SNX18: variants seen among roughly 807,000 people sequenced by gnomAD.
SNX18 encodes the protein sorting nexin-18.
In SNX18, 35 loss-of-function variants were observed where a neutral mutation model predicts 48.7. That is an observed-to-expected ratio of 0.72 (90% CI 0.55 to 0.95). SNX18 has a LOEUF of 0.95. Ranked by LOEUF, SNX18 falls within the 40% of genes least tolerant of loss-of-function variation. The pLI is 0.00. For synonymous variants in SNX18, 492 were observed against 384.7 expected (o/e 1.28, Z -3.26); for missense variants, 824 against 871.0 (o/e 0.95, Z 0.68).
At chr5:54,548,483 G>A (rs892903823), downstream of SNX18, among the ~76,000 whole-genome samples, 4 of 152,216 alleles carry the variant, frequency 2.6e-5, no homozygotes, top group Admixed American at 6.5e-5. Context: ...CAGTGAGAAA[G>A]GCAGCAATTT....
At chr5:54,550,267 A>G (rs989044273), downstream of SNX18, among the ~76,000 whole-genome samples, 2 of 152,164 alleles carry the variant, frequency 1.3e-5, no homozygotes, top group Non-Finnish European at 2.9e-5. Context: ...GGAAAGTGGA[A>G]CCTGTAATTC....
the SNX18 span, among the ~76,000 whole-genome samples, chr5:54,609,725 C>A: frequency 0.16 from 24,356 of 152,130 alleles, 2,382 homozygotes; most frequent in South Asian, 0.22. Context: ...CAAACGTGAG[C>A]CAATATGTCA....
Position 54,544,288 on chromosome 5 carries a change from ATCAG to A in SNX18, c.*861_*864del, listed in dbSNP as rs1413486135. 3 of 152,150 alleles carry A rather than the reference ATCAG, an allele frequency of 2.0e-5. No homozygotes were observed. The highest frequency in any genetic ancestry group is 2.9e-5 in the Non-Finnish European group (2 of 68,038). The allele number at this position is 152,150 out of a possible 1,614,324, so 9.4% of individuals were successfully genotyped here. On this transcript the variant is annotated 3_prime_UTR_variant, in exon 2 of 2. Transcript: ENST00000381410. Reference sequence around the variant, plus strand: ...TACAACATGAGGAGGAGGAGTCTAAATCAGTCAGGGGATAAAAGTATCGAATCAT... The same window carrying A: ...TACAACATGAGGAGGAGGAGTCTAAATCAGGGGATAAAAGTATCGAATCAT...
chr5:54,585,157 T>C, the SNX18 span, among the ~76,000 whole-genome samples: 4 of 152,020 alleles, frequency 2.6e-5, no homozygotes, highest in African/African-American at 9.7e-5. Flanking sequence ...CCAGGCCTAG[T>C]GGCATGCACC....
At chr5:54,527,962 G>C (rs1413831491) in intron 1 of SNX18, among the ~76,000 whole-genome samples, 1 of 152,106 alleles carries the variant, frequency 6.6e-6, no homozygotes, top group Non-Finnish European at 1.5e-5. Flanking sequence ...TCATTAACAT[G>C]TGAGTGATTT....
At chr5:54,607,431 C>T in the SNX18 span, among the ~76,000 whole-genome samples, 6 of 152,292 alleles carry the variant, frequency 3.9e-5, no homozygotes, top group Admixed American at 6.5e-5. Context: ...CACACTCTTT[C>T]GATGTCTATC....
At chr5:54,554,931 A>G in the SNX18 span, among the ~76,000 whole-genome samples, 1 of 152,150 alleles carries the variant, frequency 6.6e-6, no homozygotes, top group Non-Finnish European at 1.5e-5. Flanking sequence ...TTTATGATTC[A>G]TTTATCGTCA....
chr5:54,543,394 A>T lies in SNX18; in HGVS notation c.1837A>T (p.Lys613Ter). 6.2e-7 allele frequency: 1 copy of T among 1,614,146 alleles called. No individual in the cohort carries two copies. The highest frequency in any genetic ancestry group is 8.5e-7 in the Non-Finnish European group (1 of 1,180,022). Residue 613 changes from lysine to a stop codon, truncating the protein, a stop_gained, in exon 2 of 2, where the codon AAG becomes TAG. Transcript: ENST00000381410. LOFTEE classifies it high-confidence loss of function. ...AATATTTTTCCAAAAAGTTACCCAG[A>T]AGTTGGAAGAAGCTCTTCACAAATA... Reference protein sequence around the residue: ...QIIFFQKVTQKLEEALHKYDS... With the variant: ...QIIFFQKVTQ
At chr5:54,555,275 C>T in the SNX18 span, among the ~76,000 whole-genome samples, 1,228 of 152,316 alleles carry the variant, frequency 8.1e-3, 19 homozygotes, top group African/African-American at 0.028. Flanking sequence ...ACATTTGTTG[C>T]ACTTGGTATA....
the SNX18 span, among the ~76,000 whole-genome samples, chr5:54,623,314 G>C: frequency 2.6e-5 from 4 of 152,190 alleles, no homozygotes; most frequent in Non-Finnish European, 5.9e-5. Context: ...TCCAGAACAT[G>C]TGCCAGAGCA....
chr5:54,578,636 T>A, the SNX18 span, among the ~76,000 whole-genome samples: 3 of 151,950 alleles, frequency 2.0e-5, no homozygotes, highest in Admixed American at 6.6e-5. Flanking sequence ...CAGTGAGAGG[T>A]CCCCCTGCCC....
At chr5:54,542,346 C>T (rs540394918) in intron 1 of SNX18, among the ~76,000 whole-genome samples, 3 of 152,250 alleles carry the variant, frequency 2.0e-5, no homozygotes, top group South Asian at 2.1e-4. Context: ...ATTATGGAAC[C>T]GCTGGCATCA....
downstream of SNX18, among the ~76,000 whole-genome samples, chr5:54,548,061 A>G (rs1762602088): frequency 6.6e-6 from 1 of 152,176 alleles, no homozygotes; most frequent in Admixed American, 6.5e-5. Flanking sequence ...GGGGAAGTTA[A>G]TCTGGGATTG....
At chr5:54,591,204 C>G in the SNX18 span, among the ~76,000 whole-genome samples, 1 of 151,528 alleles carries the variant, frequency 6.6e-6, no homozygotes, top group African/African-American at 2.4e-5. Context: ...TTTTGAGACA[C>G]GCTTTTGTTC....
chr5:54,597,209 C>T, the SNX18 span, among the ~76,000 whole-genome samples: 4 of 152,122 alleles, frequency 2.6e-5, no homozygotes, highest in Admixed American at 2.0e-4. Flanking sequence ...TATATATGCA[C>T]CCAATACAGG....
At chr5:54,599,352 A>G in the SNX18 span, among the ~76,000 whole-genome samples, 1,627 of 152,302 alleles carry the variant, frequency 0.011, 33 homozygotes, top group African/African-American at 0.038. Flanking sequence ...TAATGAAAAA[A>G]TATTCCGTGC....
At chr5:54,530,900 C>T (rs2565001) in intron 1 of SNX18, among the ~76,000 whole-genome samples, 148,115 of 151,564 alleles carry the variant, frequency 0.98, 72,388 homozygotes, top group East Asian at 1. Context: ...TATAGGTGCC[C>T]GCCACCACAC....
chr5:54,540,853 C>G (rs1217911356), intron 1 of SNX18, among the ~76,000 whole-genome samples: 1 of 152,134 alleles, frequency 6.6e-6, no homozygotes, highest in Admixed American at 6.5e-5. Context: ...CCTCCAGTAC[C>G]TTGGATTGAA....
the SNX18 span, among the ~76,000 whole-genome samples, chr5:54,559,254 C>T: frequency 6.6e-6 from 1 of 152,008 alleles, no homozygotes; most frequent in Non-Finnish European, 1.5e-5. Context: ...AAAAACAAGC[C>T]CAAAGAGCCA....
Sources: allele counts gnomAD v4.1 joint callset (sites outside exome capture counted in the v4.1 genomes callset), GRCh38; gene constraint gnomAD v4.1.1; transcripts MANE v1.5; gene names NCBI Gene and HGNC (gene_info 2026-07-23, HGNC 2026-07-21).